UBE2E3: variants seen among roughly 807,000 people sequenced by gnomAD.
UBE2E3 encodes the protein ubiquitin-conjugating enzyme E2 E3.
UBE2E3 carries 5 observed loss-of-function variants against 23.6 expected under a neutral mutation model. The observed-to-expected ratio is 0.21, with a 90% CI of 0.11 to 0.44. UBE2E3 has a LOEUF of 0.44. Ranked by LOEUF, UBE2E3 falls within the 20% of genes least tolerant of loss-of-function variation. The probability of loss-of-function intolerance (pLI) is 0.99; values close to 1 mark genes in which losing one functional copy is unlikely to be tolerated. For synonymous variants in UBE2E3, 78 were observed against 87.5 expected (o/e 0.89, Z 0.60); for missense variants, 81 against 249.8 (o/e 0.32, Z 4.55).
intron 3 of UBE2E3, among the ~76,000 whole-genome samples, chr2:180,984,924 G>T (rs2105564905): frequency 6.6e-6 from 1 of 152,152 alleles, no homozygotes; most frequent in South Asian, 2.1e-4. Context: ...GATAGTTTGT[G>T]AAGAGATATG....
At chr2:181,009,523 T>A (rs1387726167) in intron 3 of UBE2E3, among the ~76,000 whole-genome samples, 2 of 90,370 alleles carry the variant, frequency 2.2e-5, no homozygotes, top group Non-Finnish European at 2.8e-5. Context: ...ATATTTATAC[T>A]AGGCTTTATT....
At chr2:180,983,634 A>G (rs531765142) in intron 2 of UBE2E3, among the ~76,000 whole-genome samples, 1 of 152,214 alleles carries the variant, frequency 6.6e-6, no homozygotes, top group Non-Finnish European at 1.5e-5. Context: ...GTAGCCTGTT[A>G]ATTTTTACCT....
chr2:181,002,020 G>C (rs554221263), intron 3 of UBE2E3, among the ~76,000 whole-genome samples: 1 of 152,208 alleles, frequency 6.6e-6, no homozygotes, highest in Non-Finnish European at 1.5e-5. Flanking sequence ...AGATTGAAGG[G>C]CTTGAATATC....
At chr2:181,013,305 GA>G (rs1465856426) in intron 3 of UBE2E3, among the ~76,000 whole-genome samples, 3 of 152,136 alleles carry the variant, frequency 2.0e-5, no homozygotes, top group African/African-American at 7.2e-5. Flanking sequence ...AAGAGTTTGG[GA>G]GAGGAGTAGC....
chr2:181,028,070 TA>T (rs755939402), intron 3 of UBE2E3, among the ~76,000 whole-genome samples: 2 of 152,048 alleles, frequency 1.3e-5, no homozygotes, highest in Non-Finnish European at 2.9e-5. Flanking sequence ...TTCATTTCCT[TA>T]CTTCTTATAA....
rs1032798510 is a variant in UBE2E3, at chr2:181,063,153, G to C, written c.*265G>C. The C allele has an allele frequency of 2.7e-5, 6 of 220,770 alleles. No individual in the cohort carries two copies. The highest frequency in any genetic ancestry group is 5.4e-5 in the Non-Finnish European group (6 of 111,332). The allele number at this position is 220,770 out of a possible 1,614,324, so 13.7% of individuals were successfully genotyped here. A position where few individuals can be genotyped will look rare whatever the true frequency, so the allele number is the denominator to read the frequency against. On this transcript the variant is annotated 3_prime_UTR_variant, in exon 6 of 6. Coordinates refer to ENST00000410062, the MANE Select transcript of UBE2E3 (RefSeq NM_006357.4). The surrounding 1 kb of genome is among the most constrained non-coding windows in gnomAD (Gnocchi z 4.1). ...CAAAATGTATTTTGTGATGTACTAA[G>C]GATACTGGTCCTGAAGTCTACCAAA...
chr2:181,032,043 A>G (rs572379388), intron 3 of UBE2E3, among the ~76,000 whole-genome samples: 1 of 152,300 alleles, frequency 6.6e-6, no homozygotes, highest in South Asian at 2.1e-4. Flanking sequence ...GAGGTGCTCC[A>G]TTAGGAAAAT....
At chr2:180,983,166 AAG>A (rs929713400) in intron 2 of UBE2E3, among the ~76,000 whole-genome samples, 54 of 152,338 alleles carry the variant, frequency 3.5e-4, no homozygotes, top group African/African-American at 1.2e-3. Flanking sequence ...CTAAAGGAAA[AAG>A]AATATAAAAA....
intron 3 of UBE2E3, among the ~76,000 whole-genome samples, chr2:181,039,692 A>G (rs978794592): frequency 1.3e-5 from 2 of 152,058 alleles, no homozygotes; most frequent in Admixed American, 6.5e-5. Flanking sequence ...ATTCATCTCA[A>G]TAATTTTATA....
At chr2:181,024,611 CTG>C in intron 3 of UBE2E3, among the ~76,000 whole-genome samples, 1 of 152,182 alleles carries the variant, frequency 6.6e-6, no homozygotes, top group African/African-American at 2.4e-5. Context: ...AGATATGAAT[CTG>C]TTACAGTAAT....
intron 3 of UBE2E3, among the ~76,000 whole-genome samples, chr2:181,044,702 T>G (rs1686618860): frequency 6.6e-6 from 1 of 152,160 alleles, no homozygotes; most frequent in Non-Finnish European, 1.5e-5. Context: ...TTTTGTTGTT[T>G]TGTATGCTTA....
At chr2:181,023,090 C>T (rs1685759289) in intron 3 of UBE2E3, among the ~76,000 whole-genome samples, 1 of 152,226 alleles carries the variant, frequency 6.6e-6, no homozygotes, top group South Asian at 2.1e-4. Context: ...ATAACCCCGA[C>T]ATGAGTAAGT....
chr2:181,019,082 G>A (rs1685590286), intron 3 of UBE2E3, among the ~76,000 whole-genome samples: 1 of 152,144 alleles, frequency 6.6e-6, no homozygotes, highest in Admixed American at 6.5e-5. Flanking sequence ...TCGTGCCTCA[G>A]TCTTCCAAGT....
rs748129934 is a variant in UBE2E3, at chr2:181,058,855, ACT to A, written c.378+1034_378+1035del. Among the ~76,000 whole-genome samples, 21 of 151,788 alleles carry A rather than the reference ACT, an allele frequency of 1.4e-4. No homozygotes were observed. The East Asian group carries it at 1.8e-3, about 13-fold the overall frequency. ...TTACCCCAAACCGCAGACACCATTT[ACT>A]CTCAATTACAGCTGTTAGTGTTTAA... On this transcript the variant is annotated intron_variant, in intron 4 of 5. Transcript: ENST00000410062.
intron 3 of UBE2E3, among the ~76,000 whole-genome samples, chr2:181,007,777 A>G (rs891024709): frequency 6.6e-6 from 1 of 152,214 alleles, no homozygotes; most frequent in African/African-American, 2.4e-5. Context: ...AACTTTCCAC[A>G]ATGGTAGAAG....
chr2:181,013,822 G>A (rs752585931), intron 3 of UBE2E3, among the ~76,000 whole-genome samples: 3 of 152,170 alleles, frequency 2.0e-5, no homozygotes, highest in Admixed American at 6.6e-5. Flanking sequence ...TTCAAAGGGA[G>A]CAGAAATAGA....
intron 3 of UBE2E3, among the ~76,000 whole-genome samples, chr2:181,003,358 G>C (rs1033388885): frequency 2.0e-5 from 3 of 152,164 alleles, no homozygotes; most frequent in Admixed American, 6.5e-5. Context: ...TCATGTTTCA[G>C]ATGACCTCTA....
intron 3 of UBE2E3, among the ~76,000 whole-genome samples, chr2:181,019,902 A>G (rs1177087282): frequency 6.6e-6 from 1 of 152,092 alleles, no homozygotes; most frequent in African/African-American, 2.4e-5. Context: ...ATGATACAAT[A>G]TTGTTAACTG....
chr2:181,005,360 C>G (rs1685119763), intron 3 of UBE2E3, among the ~76,000 whole-genome samples: 1 of 152,188 alleles, frequency 6.6e-6, no homozygotes, highest in Non-Finnish European at 1.5e-5. Context: ...ATTTCATTAA[C>G]TCCAGCTGAG....
Sources: allele counts gnomAD v4.1 joint callset (sites outside exome capture counted in the v4.1 genomes callset), GRCh38; gene constraint gnomAD v4.1.1; non-coding constraint Gnocchi (gnomAD v3.1); transcripts MANE v1.5; gene names NCBI Gene and HGNC (gene_info 2026-07-23, HGNC 2026-07-21).